The following CEP192 variants were observed in gnomAD, a reference collection of about 807,000 sequenced individuals.
CEP192 encodes the protein centrosomal protein of 192 kDa.
In CEP192, 151 loss-of-function variants were observed where a neutral mutation model predicts 271.8. The ratio of observed to expected loss-of-function variants is 0.56; its 90% CI spans 0.49 to 0.64. The LOEUF (loss-of-function observed/expected upper bound fraction) is 0.64, where lower values mean the gene tolerates loss of function less well. CEP192 is among the 30% of genes least tolerant of loss of function. The pLI is 0.00. For synonymous variants in CEP192, 995 were observed against 1,076.5 expected (o/e 0.92, Z 1.48); for missense variants, 2,910 against 3,020.5 (o/e 0.96, Z 0.86).
intron 30 of CEP192, among the ~76,000 whole-genome samples, chr18:13,085,533 AC>A (rs1300355441): frequency 2.0e-5 from 3 of 152,196 alleles, no homozygotes; most frequent in Non-Finnish European, 2.9e-5. Context: ...TTTATGTCTT[AC>A]GTTTAAGTCT....
chr18:13,122,792 C>A (rs953232771), intron 44 of CEP192, among the ~76,000 whole-genome samples: 4 of 151,898 alleles, frequency 2.6e-5, no homozygotes, highest in Admixed American at 6.6e-5. Flanking sequence ...TGAACTAGAC[C>A]TCCCCACTGG....
intron 32 of CEP192, among the ~76,000 whole-genome samples, chr18:13,088,222 A>G (rs2038984493): frequency 6.6e-6 from 1 of 152,112 alleles, no homozygotes; most frequent in Non-Finnish European, 1.5e-5. Context: ...CTGAGGTGGG[A>G]GGATTGCTTG....
chr18:13,062,881 C>T (rs1264733764), intron 21 of CEP192, among the ~76,000 whole-genome samples: 2 of 152,302 alleles, frequency 1.3e-5, no homozygotes, highest in African/African-American at 4.8e-5. Flanking sequence ...CCCCCAACCC[C>T]TACCCTTCTG....
chr18:12,995,624 A>G (rs1017759344), intron 1 of CEP192, among the ~76,000 whole-genome samples: 1 of 152,210 alleles, frequency 6.6e-6, no homozygotes, highest in African/African-American at 2.4e-5. Flanking sequence ...TAGAGCTTAC[A>G]TTCTAATGTG....
Position 13,038,432 on chromosome 18 carries a change from A to T in CEP192, c.1662A>T (p.Thr554=). ...TGGGCGATACGTCCTGGGGAGCTAC[A>T]ATTAATTACAGTCTGTTGAGGAAAT... ...VALGDTSWGA[T]INYSLLRKSR... Residue 554 remains threonine, a synonymous_variant, in exon 13 of 45, where the codon ACA becomes ACT. Transcript: ENST00000506447. 1 of 1,551,602 alleles carries T rather than the reference A, an allele frequency of 6.4e-7. No homozygotes were observed. The highest frequency in any genetic ancestry group is 8.7e-7 in the Non-Finnish European group (1 of 1,146,958).
chr18:13,052,945 C>A lies in CEP192; in HGVS notation c.3044C>A (p.Ala1015Glu). 1 of 1,610,436 alleles carries A rather than the reference C, an allele frequency of 6.2e-7. No individual in the cohort carries two copies. The highest frequency in any genetic ancestry group is 8.5e-7 in the Non-Finnish European group (1 of 1,177,960). The change falls in exon 18 of 45, where the codon GCA becomes GAA. Residue 1015 changes from alanine to glutamate, a missense_variant. Ala to Glu is a moderately radical substitution (Grantham distance 107). Transcript: ENST00000506447. ...SGCALESFGS[A>E]AQQQQPPCEQ... ...TGTGCGTTAGAGTCCTTTGGTTCAG[C>A]AGCTCAGCAGCAGCAGCCTCCCTGT...
chr18:13,077,849 A>G (rs2038371908), intron 30 of CEP192, among the ~76,000 whole-genome samples: 1 of 152,218 alleles, frequency 6.6e-6, no homozygotes, highest in South Asian at 2.1e-4. Flanking sequence ...ACAGTCACAT[A>G]CACTATCACT....
chr18:13,057,453 C>T, intron 19 of CEP192, 132 bp from the exon 20 acceptor site: 1 of 939,642 alleles, frequency 1.1e-6, no homozygotes. Context: ...AGGACTCCTT[C>T]ATCTGGAGCA....
intron 6 of CEP192, among the ~76,000 whole-genome samples, chr18:13,016,806 C>G (rs776160925): frequency 3.9e-5 from 6 of 152,270 alleles, no homozygotes; most frequent in Non-Finnish European, 8.8e-5. Flanking sequence ...TCCTTCCTCC[C>G]TTTCTTTCTT....
At chr18:13,067,726 C>G in intron 21 of CEP192, 105 bp from the exon 22 acceptor site, 1 of 886,972 alleles carries the variant, frequency 1.1e-6, no homozygotes, top group Non-Finnish European at 1.7e-6. Flanking sequence ...GTTTTACTTA[C>G]TGCTGACTCA....
chr18:13,056,001 T>A lies in CEP192; in HGVS notation c.3411T>A (p.Ser1137Arg). Residue 1137 changes from serine (S) to arginine (R), a missense_variant, in exon 19 of 45, where the codon AGT becomes AGA. By Grantham distance (110) the Ser-to-Arg change is moderately radical. Transcript: ENST00000506447. Reference protein sequence around the residue: ...PEYVKPDFRWSKDPSSKSGNL... With the variant: ...PEYVKPDFRWRKDPSSKSGNL... Reference sequence around the variant, plus strand: ...ATGTAAAACCTGACTTTAGATGGAGTAAAGATCCTTCCTCCAAAAGTGGAA... The same window carrying A: ...ATGTAAAACCTGACTTTAGATGGAGAAAAGATCCTTCCTCCAAAAGTGGAA... 6.2e-7 allele frequency: 1 copy of A among 1,614,092 alleles called. No homozygotes were observed.
chr18:13,103,484 GT>G, intron 38 of CEP192, 24 bp from the exon 39 acceptor site: 1 of 1,592,376 alleles, frequency 6.3e-7, no homozygotes, highest in East Asian at 2.2e-5. Context: ...CCGAGTTTGA[GT>G]TATGATATAT....
chr18:13,047,719 A>G (rs1159803531), intron 15 of CEP192, among the ~76,000 whole-genome samples: 1 of 152,164 alleles, frequency 6.6e-6, no homozygotes, highest in East Asian at 1.9e-4. Context: ...TTGTTGTTAA[A>G]TAGTTTATGT....
At chr18:13,032,392 G>A (rs2035682067) in intron 11 of CEP192, among the ~76,000 whole-genome samples, 1 of 152,132 alleles carries the variant, frequency 6.6e-6, no homozygotes, top group African/African-American at 2.4e-5. Context: ...GGCAGAAGTA[G>A]TCATTAGTGG....
chr18:13,065,622 T>C (rs2037653699), intron 21 of CEP192, among the ~76,000 whole-genome samples: 1 of 152,198 alleles, frequency 6.6e-6, no homozygotes, highest in African/African-American at 2.4e-5. Flanking sequence ...TGTAAGCTTT[T>C]GAGATTTGGT....
chr18:12,998,659 T>C (rs2033413333), intron 1 of CEP192, among the ~76,000 whole-genome samples: 1 of 152,190 alleles, frequency 6.6e-6, no homozygotes, highest in African/African-American at 2.4e-5. Context: ...TCAAGGCGCA[T>C]TGCCAATATC....
At chr18:13,114,858 T>C (rs1193109605) in intron 42 of CEP192, among the ~76,000 whole-genome samples, 1 of 152,220 alleles carries the variant, frequency 6.6e-6, no homozygotes, top group African/African-American at 2.4e-5. Context: ...TATGTTCCCA[T>C]AAGCAGCATA....
At chr18:13,050,041 G>T (rs2036694462) in intron 17 of CEP192, 150 bp downstream of exon 17, 2 of 625,844 alleles carry the variant, frequency 3.2e-6, no homozygotes, top group Non-Finnish European at 2.6e-6. Context: ...CTATTTTTCT[G>T]TGCAAACTTT....
rs763145874 is a variant in CEP192, at chr18:13,100,295, C to T, written c.6664-10C>T. The T allele has an allele frequency of 1.9e-6, 3 of 1,606,154 alleles. No homozygotes were observed. The highest frequency in any genetic ancestry group is 1.7e-6 in the Non-Finnish European group (2 of 1,173,014). On this transcript the variant is annotated splice_polypyrimidine_tract_variant and intron_variant, in intron 37 of 44. Transcript: ENST00000506447. ...GTTTGTAGCTTATCCCTTTATTTGG[C>T]TCATTTCAGAAAATTGTGAAAGTTC... is the stretch of plus-strand genomic sequence containing the variant.
Sources: allele counts gnomAD v4.1 joint callset (sites outside exome capture counted in the v4.1 genomes callset), GRCh38; gene constraint gnomAD v4.1.1; transcripts MANE v1.5; gene names NCBI Gene and HGNC (gene_info 2026-07-23, HGNC 2026-07-21).